The following CTNNA2 variants were observed in gnomAD, a reference collection of about 807,000 sequenced individuals.
CTNNA2 encodes the protein catenin alpha 2, also known as catenin alpha-2.
CTNNA2 carries 42 observed loss-of-function variants against 101.0 expected under a neutral mutation model. The observed-to-expected ratio is 0.42, with a 90% CI of 0.32 to 0.54. The LOEUF (loss-of-function observed/expected upper bound fraction) is 0.54. Among genes scored for constraint, CTNNA2 ranks in the 20% least tolerant of loss-of-function variants. The pLI, the probability that CTNNA2 is intolerant of heterozygous loss-of-function variation, is 0.14. For synonymous variants in CTNNA2, 450 were observed against 456.4 expected (o/e 0.99, Z 0.18); for missense variants, 871 against 1,223.1 (o/e 0.71, Z 4.29).
intron 4 of CTNNA2, among the ~76,000 whole-genome samples, chr2:79,465,384 A>C (rs902586403): frequency 6.6e-6 from 1 of 152,182 alleles, no homozygotes; most frequent in African/African-American, 2.4e-5. Context: ...TTGGTTACTT[A>C]GCCTTGTAGT....
Position 80,251,192 on chromosome 2 carries a change from T to C in CTNNA2, c.1057-142019T>C, listed in dbSNP as rs139005999. On this transcript the variant is annotated intron_variant, in intron 7 of 18. Transcript: ENST00000402739. Reference sequence around the variant, plus strand: ...GATGCAGGGCTTATTAGAACCCACATCTTGGTGTCCATCTAGTCCATGTGC... The same window carrying C: ...GATGCAGGGCTTATTAGAACCCACACCTTGGTGTCCATCTAGTCCATGTGC... 2.6e-5 allele frequency among the ~76,000 whole-genome samples: 4 copies of C among 152,284 alleles called. No individual in the cohort carries two copies. The East Asian group carries it at 5.8e-4, about 22-fold the overall frequency.
At chr2:79,449,183 G>T (rs1678863662) in intron 4 of CTNNA2, among the ~76,000 whole-genome samples, 1 of 152,008 alleles carries the variant, frequency 6.6e-6, no homozygotes, top group Non-Finnish European at 1.5e-5. Context: ...GGAGTATAAG[G>T]CAGGAGGACT....
At chr2:80,043,084 T>C (rs1696229819) in intron 7 of CTNNA2, among the ~76,000 whole-genome samples, 1 of 22,166 alleles carries the variant, frequency 4.5e-5, no homozygotes, top group Non-Finnish European at 8.5e-5. Context: ...TCTTTCTTTC[T>C]TTCTTTCTTT....
At chr2:79,783,914 C>T (rs1464810468) in intron 3 of CTNNA2, among the ~76,000 whole-genome samples, 1 of 152,164 alleles carries the variant, frequency 6.6e-6, no homozygotes, top group Non-Finnish European at 1.5e-5. Context: ...TTGAGCCTTA[C>T]TTTGTGCATT....
chr2:79,842,061 T>C (rs143552033), intron 3 of CTNNA2, among the ~76,000 whole-genome samples: 2 of 152,218 alleles, frequency 1.3e-5, no homozygotes, highest in African/African-American at 4.8e-5. Flanking sequence ...TTTCAAATTA[T>C]GGTTCATGAA....
chr2:79,617,063 G>A (rs567802192), intron 1 of CTNNA2, among the ~76,000 whole-genome samples: 3 of 151,816 alleles, frequency 2.0e-5, no homozygotes, highest in African/African-American at 4.8e-5. Flanking sequence ...CACCATACCC[G>A]GCTAATTTTT....
chr2:80,389,711 G>A (rs1217515167), intron 7 of CTNNA2, among the ~76,000 whole-genome samples: 1 of 152,118 alleles, frequency 6.6e-6, no homozygotes, highest in Non-Finnish European at 1.5e-5. Context: ...TTTTAAAATT[G>A]GAGCTAAGAA....
chr2:79,717,605 G>A (rs1170895525), intron 2 of CTNNA2, among the ~76,000 whole-genome samples: 6 of 152,152 alleles, frequency 3.9e-5, no homozygotes, highest in Non-Finnish European at 7.3e-5. Flanking sequence ...AAACAGCAGT[G>A]TCTGCTATTC....
intron 7 of CTNNA2, among the ~76,000 whole-genome samples, chr2:79,974,522 G>A (rs1033140184): frequency 5.9e-5 from 9 of 152,164 alleles, no homozygotes; most frequent in Non-Finnish European, 1.3e-4. Flanking sequence ...TTTAAGTAAA[G>A]TTCTTCATCT....
chr2:80,383,043 T>C (rs1676659077), intron 7 of CTNNA2, among the ~76,000 whole-genome samples: 1 of 152,150 alleles, frequency 6.6e-6, no homozygotes, highest in Non-Finnish European at 1.5e-5. Flanking sequence ...CATGGTCTCT[T>C]GCAGGCTTAG....
chr2:79,289,649 G>A (rs1675739073), intron 2 of CTNNA2, among the ~76,000 whole-genome samples: 1 of 152,196 alleles, frequency 6.6e-6, no homozygotes, highest in Admixed American at 6.5e-5. Flanking sequence ...GGAGGCTGAG[G>A]CAGGAGAACT....
intron 7 of CTNNA2, among the ~76,000 whole-genome samples, chr2:80,011,163 A>G (rs1445018814): frequency 2.0e-5 from 3 of 152,186 alleles, no homozygotes; most frequent in Non-Finnish European, 2.9e-5. Context: ...TAAAAAACCT[A>G]GAGTCCTTCC....
chr2:79,705,005 C>G (rs561281828), intron 2 of CTNNA2, among the ~76,000 whole-genome samples: 2 of 152,144 alleles, frequency 1.3e-5, no homozygotes, highest in Admixed American at 1.3e-4. Flanking sequence ...CTCCTCGCCA[C>G]CACTGGGGAC....
chr2:79,971,000 C>G (rs1034952017), intron 7 of CTNNA2, among the ~76,000 whole-genome samples: 1 of 152,118 alleles, frequency 6.6e-6, no homozygotes, highest in East Asian at 1.9e-4. Flanking sequence ...ACACAAATGG[C>G]TTCTGTAGTC....
At chr2:80,373,824 T>C (rs1176718733) in intron 7 of CTNNA2, among the ~76,000 whole-genome samples, 2 of 152,166 alleles carry the variant, frequency 1.3e-5, no homozygotes, top group African/African-American at 2.4e-5. Flanking sequence ...GACAAACTGA[T>C]TGACGTGAGT....
chr2:79,827,455 A>G (rs940872256), intron 3 of CTNNA2, among the ~76,000 whole-genome samples: 2 of 152,242 alleles, frequency 1.3e-5, no homozygotes, highest in Non-Finnish European at 2.9e-5. Context: ...CCAGAATATT[A>G]GCAAGACTTA....
At chr2:80,601,244 A>C (rs1384654492) in intron 15 of CTNNA2, among the ~76,000 whole-genome samples, 1 of 152,008 alleles carries the variant, frequency 6.6e-6, no homozygotes, top group East Asian at 1.9e-4. Context: ...GAGCATCTTT[A>C]AATAGTTTTG....
chr2:80,586,521 G>T (rs1186002595), intron 14 of CTNNA2: 7 of 152,120 alleles, frequency 4.6e-5, no homozygotes. Flanking sequence ...ACCAAAAACA[G>T]CAATAGGTCA....
chr2:79,420,308 C>A (rs1337194148), intron 4 of CTNNA2, among the ~76,000 whole-genome samples: 2 of 152,120 alleles, frequency 1.3e-5, no homozygotes, highest in Admixed American at 6.6e-5. Flanking sequence ...ATGTATAAAC[C>A]AAATTTGGCT....
Sources: gnomAD v4.1 joint callset for allele counts (sites outside exome capture counted in the v4.1 genomes callset) on GRCh38, gnomAD v4.1.1 for gene constraint, MANE v1.5 for transcripts, NCBI Gene and HGNC (gene_info 2026-07-23, HGNC 2026-07-21) for gene names.